The following AKAP8 variants were observed in gnomAD, a reference collection of about 807,000 sequenced individuals.
AKAP8 encodes the protein A-kinase anchor protein 8.
In AKAP8, 24 loss-of-function variants were observed where a neutral mutation model predicts 67.5. That is an observed-to-expected ratio of 0.36 (90% CI 0.26 to 0.50). AKAP8 has a LOEUF of 0.50. AKAP8 is among the 20% of genes least tolerant of loss of function. The pLI is 0.97. For synonymous variants in AKAP8, 400 were observed against 371.1 expected (o/e 1.08, Z -0.90); for missense variants, 971 against 955.9 (o/e 1.02, Z -0.21).
chr19:15,371,898 TAAAG>T (rs949798907), intron 7 of AKAP8, 50 bp downstream of exon 7: 46 of 1,591,082 alleles, frequency 2.9e-5, no homozygotes, highest in African/African-American at 2.7e-4. Flanking sequence ...GAAGGGTGAT[TAAAG>T]AAAGAAGAAA....
chr19:15,368,588 T>A (rs1436975045), intron 8 of AKAP8: 1 of 984,898 alleles, frequency 1.0e-6, no homozygotes, highest in Non-Finnish European at 1.2e-6. Flanking sequence ...GCCCACCCCA[T>A]GTGCACCACA....
rs141123245 is a variant in AKAP8 at position 15,374,991 on chromosome 19, G to A, written c.59-356C>T. Among the ~76,000 whole-genome samples, 260 of 152,324 alleles carry A rather than the reference G, an allele frequency of 1.7e-3. 6 individuals carry two copies. The highest frequency in any genetic ancestry group is 6.0e-3 in the African/African-American group (250 of 41,570). On this transcript the variant is annotated intron_variant, in intron 2 of 13. Transcript: ENST00000269701. ...GGGTCAGTTCCCATCAGAAGCCAGA[G>A]TGCAGGCGCTGCCAACTGCACAGCG... is the stretch of plus-strand genomic sequence containing the variant.
At chr19:15,367,825 C>CT (rs1472843040) in intron 9 of AKAP8, among the ~76,000 whole-genome samples, 2 of 152,238 alleles carry the variant, frequency 1.3e-5, no homozygotes, top group African/African-American at 4.8e-5. Context: ...AGGACAGTGT[C>CT]TGAGATGCCA....
intron 11 of AKAP8, 102 bp from the exon 12 acceptor site, chr19:15,361,080 C>G (rs1966957353): frequency 7.0e-7 from 1 of 1,428,298 alleles, no homozygotes; most frequent in African/African-American, 1.4e-5. Context: ...TCTAAGGAAT[C>G]AGAAGGGCAC....
chr19:15,355,510 A>G (rs1247279564), intron 13 of AKAP8, 140 bp from the exon 14 acceptor site: 1 of 804,182 alleles, frequency 1.2e-6, no homozygotes, highest in East Asian at 2.7e-5. Flanking sequence ...TGAATCCTAC[A>G]TGTTCTCAGA....
At chr19:15,355,855 G>A (rs1438719698) in intron 13 of AKAP8, among the ~76,000 whole-genome samples, 1 of 151,872 alleles carries the variant, frequency 6.6e-6, no homozygotes, top group Non-Finnish European at 1.5e-5. Context: ...TCCTGCCTCA[G>A]CCTCCTGAGT....
rs1263049684 is a variant in AKAP8, at chr19:15,354,308, T to C, written c.*607A>G. On this transcript the variant is annotated 3_prime_UTR_variant, in exon 14 of 14. Coordinates refer to ENST00000269701, the MANE Select transcript of AKAP8 (RefSeq NM_005858.4). ...CAATGCCCTCTGCACAGTCTGGTTCTTGAGGTTGCGGTGGGTGTGTTTCCA... is the reference window on the plus strand; with the variant it reads ...CAATGCCCTCTGCACAGTCTGGTTCCTGAGGTTGCGGTGGGTGTGTTTCCA... 2 of 154,424 alleles carry C rather than the reference T, an allele frequency of 1.3e-5. No homozygotes were observed. Among genetic ancestry groups the C allele is most frequent in the Admixed American group, 1.3e-4 (2 of 15,792 alleles). The allele number at this position is 154,424 out of a possible 1,614,324, so 9.6% of individuals were successfully genotyped here.
At position 15,363,513 on chromosome 19, in the gene AKAP8, G is replaced by A. The variant is rs868111217; in HGVS notation, c.1161-1262C>T. 9.7e-5 allele frequency among the ~76,000 whole-genome samples: 13 copies of A among 133,932 alleles called. 1 individual carries two copies. The highest frequency in any genetic ancestry group is 4.6e-3 in the Middle Eastern group (1 of 218). The allele number at this position is 133,932 out of a possible 152,430, so 87.9% of individuals were successfully genotyped here. Reference sequence around the variant, plus strand: ...GGGTCAGCCCCCCGCCCGGCCAGCCGCACCGTCCGGGAGGGAGGTGGGGGG... The same window carrying A: ...GGGTCAGCCCCCCGCCCGGCCAGCCACACCGTCCGGGAGGGAGGTGGGGGG... On this transcript the variant is annotated intron_variant, in intron 9 of 13. Coordinates refer to ENST00000269701, the MANE Select transcript of AKAP8 (RefSeq NM_005858.4).
chr19:15,375,563 G>A (rs957116354), intron 2 of AKAP8, among the ~76,000 whole-genome samples: 1 of 151,782 alleles, frequency 6.6e-6, no homozygotes, highest in African/African-American at 2.4e-5. Context: ...AAAACTATGA[G>A]CTATAGTGAA....
intron 9 of AKAP8, among the ~76,000 whole-genome samples, chr19:15,362,770 C>G (rs566338093): frequency 1.3e-5 from 2 of 152,000 alleles, no homozygotes; most frequent in African/African-American, 4.8e-5. Context: ...AGCCTCTGCC[C>G]GGCCGCCACC....
chr19:15,359,802 A>G (rs1966936181), intron 12 of AKAP8, among the ~76,000 whole-genome samples: 1 of 152,062 alleles, frequency 6.6e-6, no homozygotes, highest in Non-Finnish European at 1.5e-5. Flanking sequence ...TGTTTGCACA[A>G]TGGTCCCTTG....
chr19:15,377,091 G>T, intron 1 of AKAP8, 77 bp from the exon 2 acceptor site: 5 of 1,499,590 alleles, frequency 3.3e-6, no homozygotes, highest in Non-Finnish European at 4.6e-6. Context: ...CTCCTAAAGG[G>T]ATCTCCTTAC....
chr19:15,363,092 G>A (rs866792569), intron 9 of AKAP8, among the ~76,000 whole-genome samples: 36 of 148,834 alleles, frequency 2.4e-4, no homozygotes, highest in Admixed American at 6.0e-4. Context: ...CAACCGCCCC[G>A]TCTGAGAAGT....
intron 7 of AKAP8, among the ~76,000 whole-genome samples, chr19:15,370,593 T>A (rs1204972324): frequency 6.6e-6 from 1 of 150,732 alleles, no homozygotes; most frequent in Non-Finnish European, 1.5e-5. Flanking sequence ...TCCACCACGT[T>A]TCCCGAGCTT....
intron 5 of AKAP8, 80 bp from the exon 6 acceptor site, chr19:15,372,427 G>A: frequency 1.3e-6 from 2 of 1,564,830 alleles, no homozygotes; most frequent in Non-Finnish European, 8.7e-7. Context: ...GGAGGTTGTA[G>A]GATCAGACAA....
At chr19:15,363,107 A>G (rs962068558) in intron 9 of AKAP8, among the ~76,000 whole-genome samples, 1 of 147,890 alleles carries the variant, frequency 6.8e-6, no homozygotes, top group Non-Finnish European at 1.5e-5. Context: ...AGAAGTGAGG[A>G]GCCCCTCCGC....
At chr19:15,377,136 C>T (rs1967267001) in intron 1 of AKAP8, 122 bp from the exon 2 acceptor site, 1 of 1,103,704 alleles carries the variant, frequency 9.1e-7, no homozygotes, top group Admixed American at 2.7e-5. Flanking sequence ...GGAAGACTCC[C>T]CCCCACCCCA....
intron 1 of AKAP8, chr19:15,379,435 T>A (rs932467292): frequency 8.7e-5 from 39 of 450,196 alleles, no homozygotes; most frequent in Non-Finnish European, 1.3e-4. Flanking sequence ...GCCCACACTG[T>A]CTAAGACGCC....
chr19:15,361,992 C>G, intron 10 of AKAP8, 118 bp downstream of exon 10: 1 of 1,454,402 alleles, frequency 6.9e-7, no homozygotes, highest in Non-Finnish European at 9.3e-7. Flanking sequence ...CACAGCTACT[C>G]TATCTGGGAA....
Sources: gnomAD v4.1 joint callset for allele counts (sites outside exome capture counted in the v4.1 genomes callset) on GRCh38, gnomAD v4.1.1 for gene constraint, MANE v1.5 for transcripts, NCBI Gene and HGNC (gene_info 2026-07-23, HGNC 2026-07-21) for gene names.